The following CCSER1 variants were observed in gnomAD, a reference collection of about 807,000 sequenced individuals.
The protein encoded by CCSER1 is serine-rich coiled-coil domain-containing protein 1.
A neutral mutation model predicts 82.0 loss-of-function variants in CCSER1; 41 were observed. The observed-to-expected ratio is 0.50, with a 90% CI of 0.39 to 0.65. The LOEUF (loss-of-function observed/expected upper bound fraction) is 0.65. CCSER1 is among the 30% of genes least tolerant of loss of function. CCSER1 has a pLI of 0.00. For synonymous variants in CCSER1, 414 were observed against 383.9 expected (o/e 1.08, Z -0.92); for missense variants, 1,119 against 1,064.2 (o/e 1.05, Z -0.72).
chr4:91,534,867 T>C (rs79187094), intron 10 of CCSER1, among the ~76,000 whole-genome samples: 7 of 151,858 alleles, frequency 4.6e-5, no homozygotes, highest in Admixed American at 2.6e-4. Flanking sequence ...ACTGAAATAA[T>C]GAATCCTTGT....
intron 9 of CCSER1, among the ~76,000 whole-genome samples, chr4:90,968,136 A>T (rs1441930723): frequency 2.6e-5 from 4 of 152,120 alleles, no homozygotes; most frequent in Admixed American, 6.5e-5. Context: ...GATATTTAAG[A>T]GTAGAAAAAA....
Position 90,911,224 on chromosome 4 carries a change from A to G in CCSER1, c.2095-12146A>G, listed in dbSNP as rs565719013. 464 of 434,584 alleles carry G rather than the reference A, an allele frequency of 1.1e-3. 2 individuals are homozygous for G. The highest frequency in any genetic ancestry group is 1.8e-3 in the Non-Finnish European group (403 of 221,892). 26.9% of individuals were successfully genotyped at this position (434,584 alleles called of 1,614,324 possible). On this transcript the variant is annotated intron_variant, in intron 8 of 10. Transcript: ENST00000509176. ...AGCAATTTTCTACAACAAAAAAATT[A>G]TATTAATAAAGTTTAGTGTCTCCTT...
chr4:91,213,811 C>T (rs1737026816), intron 10 of CCSER1, among the ~76,000 whole-genome samples: 4 of 152,156 alleles, frequency 2.6e-5, no homozygotes, highest in Admixed American at 2.6e-4. Flanking sequence ...TTCCCTATAT[C>T]ACTGGTGGGT....
At chr4:91,593,818 T>C (rs1487353557) in intron 10 of CCSER1, among the ~76,000 whole-genome samples, 1 of 152,174 alleles carries the variant, frequency 6.6e-6, no homozygotes, top group Non-Finnish European at 1.5e-5. Context: ...TAAGTGAATG[T>C]GGTTTATTTG....
intron 8 of CCSER1, among the ~76,000 whole-genome samples, chr4:90,870,611 C>T (rs1013992205): frequency 2.6e-5 from 4 of 151,674 alleles, no homozygotes; most frequent in Admixed American, 6.6e-5. Flanking sequence ...AGGTTTTTTA[C>T]ATCAATGTTT....
chr4:91,263,232 G>C (rs1245983536), intron 10 of CCSER1, among the ~76,000 whole-genome samples: 1 of 152,008 alleles, frequency 6.6e-6, no homozygotes, highest in Non-Finnish European at 1.5e-5. Context: ...CCATCTAGCA[G>C]TGACTATTTT....
intron 6 of CCSER1, among the ~76,000 whole-genome samples, chr4:90,669,269 C>G (rs62314395): frequency 6.6e-6 from 1 of 151,698 alleles, no homozygotes; most frequent in Non-Finnish European, 1.5e-5. Context: ...GCATTTTTCT[C>G]TTAAAATAAA....
chr4:90,806,262 A>G (rs1252378531), intron 7 of CCSER1, among the ~76,000 whole-genome samples: 2 of 152,210 alleles, frequency 1.3e-5, no homozygotes, highest in African/African-American at 2.4e-5. Context: ...GTGTTATTCC[A>G]TAAATGAATG....
intron 10 of CCSER1, among the ~76,000 whole-genome samples, chr4:91,189,507 T>A (rs1560504768): frequency 6.6e-6 from 1 of 152,178 alleles, no homozygotes; most frequent in Non-Finnish European, 1.5e-5. Flanking sequence ...GAGAAAGTTA[T>A]TCTGTATGAC....
intron 5 of CCSER1, among the ~76,000 whole-genome samples, chr4:90,481,185 G>A (rs1442209855): frequency 6.6e-6 from 1 of 151,614 alleles, no homozygotes; most frequent in African/African-American, 2.4e-5. Flanking sequence ...TGTTATTGGT[G>A]CATAAGAATG....
intron 10 of CCSER1, among the ~76,000 whole-genome samples, chr4:91,346,446 CAT>C (rs766753684): frequency 6.6e-6 from 1 of 152,122 alleles, no homozygotes; most frequent in Non-Finnish European, 1.5e-5. Flanking sequence ...GGTTAATACT[CAT>C]GTGCAGGTTT....
At chr4:91,462,953 G>A (rs1447369903) in intron 10 of CCSER1, among the ~76,000 whole-genome samples, 1 of 152,166 alleles carries the variant, frequency 6.6e-6, no homozygotes, top group African/African-American at 2.4e-5. Flanking sequence ...CGAACAAAAA[G>A]CAGCAGAAAC....
In CCSER1 at chr4:90,728,409, G is replaced by A. The variant is rs575717618; in HGVS notation, c.2010+4418G>A. Among the ~76,000 whole-genome samples, 9 of 152,158 alleles carry A rather than the reference G, an allele frequency of 5.9e-5. No individual in the cohort carries two copies. The South Asian group carries it at 8.3e-4, about 14-fold the overall frequency. On this transcript the variant is annotated intron_variant, in intron 7 of 10. Transcript: ENST00000509176. ...TAAGAACAAGAAAAAACTCTTTGAT[G>A]TACTTTTTAGGAATAGAATTGTGTC...
chr4:90,421,712 A>G (rs1274242502), intron 4 of CCSER1, among the ~76,000 whole-genome samples: 1 of 152,200 alleles, frequency 6.6e-6, no homozygotes, highest in Non-Finnish European at 1.5e-5. Flanking sequence ...GGAAAAACAT[A>G]AAAAGCATAT....
chr4:90,423,288 T>A (rs1264741819), intron 4 of CCSER1, among the ~76,000 whole-genome samples: 2 of 152,090 alleles, frequency 1.3e-5, no homozygotes, highest in African/African-American at 4.8e-5. Flanking sequence ...TGCAGTGGCG[T>A]CATCTCGGCT....
chr4:91,167,025 G>A (rs1732153543), intron 10 of CCSER1, among the ~76,000 whole-genome samples: 1 of 151,960 alleles, frequency 6.6e-6, no homozygotes, highest in Admixed American at 6.6e-5. Flanking sequence ...TGTTAAGATA[G>A]CTTTTACTCC....
intron 9 of CCSER1, among the ~76,000 whole-genome samples, chr4:90,952,516 T>C (rs1044185629): frequency 9.9e-5 from 15 of 152,126 alleles, no homozygotes; most frequent in Non-Finnish European, 1.8e-4. Context: ...TTGTTAACAA[T>C]GTTGAAATCT....
chr4:90,291,562 T>G (rs932293019), intron 1 of CCSER1, among the ~76,000 whole-genome samples: 1 of 152,052 alleles, frequency 6.6e-6, no homozygotes, highest in African/African-American at 2.4e-5. Context: ...TAGTCATTCC[T>G]GATAGTGATA....
rs144781828 is a variant in CCSER1 at position 91,095,059 on chromosome 4, A to G, written c.2217+9065A>G. Among the ~76,000 whole-genome samples, 1,185 of 152,192 alleles carry G rather than the reference A, an allele frequency of 7.8e-3. 11 individuals carry two copies. Among genetic ancestry groups the G allele is most frequent in the African/African-American group, 0.026 (1,094 of 41,548 alleles). On this transcript the variant is annotated intron_variant, in intron 10 of 10. Transcript: ENST00000509176. ...AATTATATCAATGGTTTTTTTGATA[A>G]GAGGGCCACTGGGGTGGTTACTACT...
Sources: allele counts gnomAD v4.1 joint callset (sites outside exome capture counted in the v4.1 genomes callset), GRCh38; gene constraint gnomAD v4.1.1; transcripts MANE v1.5; gene names NCBI Gene and HGNC (gene_info 2026-07-23, HGNC 2026-07-21).